Variants in NUP188 observed in about 807,000 individuals in gnomAD.
The protein encoded by NUP188 is nucleoporin NUP188.
A neutral mutation model predicts 223.0 loss-of-function variants in NUP188; 97 were observed. The ratio of observed to expected loss-of-function variants is 0.43; its 90% CI spans 0.37 to 0.51. NUP188 has a LOEUF of 0.51. NUP188 is among the 20% of genes least tolerant of loss of function. The probability of loss-of-function intolerance (pLI) is 0.00; values close to 1 mark genes in which losing one functional copy is unlikely to be tolerated. For missense variants in NUP188, 1,947 were observed against 2,175.6 expected, an observed-to-expected ratio of 0.89 and a Z score of 2.09; for synonymous variants, 869 against 828.0, an observed-to-expected ratio of 1.05 and a Z score of -0.85.
chr9:128,971,115 G>T (rs557121909), intron 11 of NUP188, among the ~76,000 whole-genome samples, 157 bp downstream of exon 11: 5 of 152,130 alleles, frequency 3.3e-5, no homozygotes, highest in African/African-American at 1.2e-4. Context: ...TAATGTTTAT[G>T]AACATTATCT....
At chr9:128,966,834 G>A (rs1462094596) in intron 8 of NUP188, among the ~76,000 whole-genome samples, 1 of 152,068 alleles carries the variant, frequency 6.6e-6, no homozygotes, top group African/African-American at 2.4e-5. Flanking sequence ...ATTAGCAAGG[G>A]ATTGGTAGTA....
In NUP188 at chr9:128,956,363, G is replaced by A. The variant is rs1841871035; in HGVS notation, c.175G>A (p.Glu59Lys). 6.4e-7 allele frequency: 1 copy of A among 1,572,994 alleles called. No homozygotes were observed. The highest frequency in any genetic ancestry group is 1.2e-5 in the South Asian group (1 of 82,862). ...TTCTTTTTGTAGTCCAAGTTCAGCT[G>A]AAAAAGTGAAAGCTAATAAAGATGT... ...YYKPPSPSSA[E>K]KVKANKDVAS... Residue 59 changes from glutamate to lysine, a missense_variant, in exon 4 of 44, where the codon GAA becomes AAA. Glu to Lys is a moderately conservative substitution (Grantham distance 56). Around this residue, in one of 3 missense-constraint regions of NUP188, gnomAD observed 817 missense variants for 865.8 expected, o/e 0.94. Coordinates refer to ENST00000372577, the MANE Select transcript of NUP188 (RefSeq NM_015354.3).
chr9:128,955,130 C>T (rs1454775267), intron 3 of NUP188, among the ~76,000 whole-genome samples: 3 of 152,070 alleles, frequency 2.0e-5, no homozygotes, highest in African/African-American at 7.2e-5. Context: ...GGATTACAGG[C>T]GTGAGCCACC....
chr9:128,992,067 C>T (rs377704671), intron 25 of NUP188, among the ~76,000 whole-genome samples: 3 of 151,560 alleles, frequency 2.0e-5, no homozygotes, highest in South Asian at 2.1e-4. Flanking sequence ...CCACTGCACC[C>T]GGCTAATTTT....
At chr9:128,994,522 C>T (rs1842485572) in intron 28 of NUP188, 80 bp downstream of exon 28, 2 of 898,776 alleles carry the variant, frequency 2.2e-6, no homozygotes, top group Admixed American at 2.0e-5. Context: ...GGGCCGTAGA[C>T]AATGATACCT....
chr9:128,959,793 G>A (rs1335507496), intron 8 of NUP188, among the ~76,000 whole-genome samples: 2 of 152,022 alleles, frequency 1.3e-5, no homozygotes, highest in African/African-American at 4.8e-5. Context: ...ACCTGCTTTG[G>A]CCTCCAAGTG....
At position 129,002,045 on chromosome 9, in the gene NUP188, C is replaced by T. The variant is rs904106104; in HGVS notation, c.4137+69C>T. 18 of 1,239,034 alleles carry T rather than the reference C, an allele frequency of 1.5e-5. No homozygotes were observed. The African/African-American group carries it at 1.9e-4, about 13-fold the overall frequency. 76.8% of individuals were successfully genotyped at this position (1,239,034 alleles called of 1,614,324 possible). A position where few individuals can be genotyped will look rare whatever the true frequency, so the allele number is the denominator to read the frequency against. On this transcript the variant is annotated intron_variant, in intron 36 of 43. Transcript: ENST00000372577. Reference sequence around the variant, plus strand: ...ACAGTTCCAGTTGAAAAGTGTCCTCCCCTACCTTTCCCCGGAAGTTGCTTT... The same window carrying T: ...ACAGTTCCAGTTGAAAAGTGTCCTCTCCTACCTTTCCCCGGAAGTTGCTTT...
At chr9:128,955,643 C>CT (rs1455200357) in intron 3 of NUP188, among the ~76,000 whole-genome samples, 2 of 151,098 alleles carry the variant, frequency 1.3e-5, no homozygotes, top group African/African-American at 4.9e-5. Context: ...TTTTTCTTTT[C>CT]TTTTTTTTCT....
At chr9:128,993,808 C>G in intron 27 of NUP188, 114 bp downstream of exon 27, 2 of 908,738 alleles carry the variant, frequency 2.2e-6, no homozygotes, top group Non-Finnish European at 3.4e-6. Context: ...AGTGCTTAGT[C>G]CTGGTTCAAT....
intron 8 of NUP188, among the ~76,000 whole-genome samples, chr9:128,964,099 C>T (rs1422956540): frequency 6.6e-6 from 1 of 152,092 alleles, no homozygotes; most frequent in Admixed American, 6.6e-5. Flanking sequence ...CTGGTGTGAG[C>T]CACCACACCT....
chr9:128,955,231 C>T (rs1841852556), intron 3 of NUP188, among the ~76,000 whole-genome samples: 1 of 152,182 alleles, frequency 6.6e-6, no homozygotes, highest in South Asian at 2.1e-4. Flanking sequence ...CTTGGTCACT[C>T]AGTTAAGGAG....
chr9:128,993,734 A>G (rs765744554), intron 27 of NUP188, 40 bp downstream of exon 27: 22 of 1,578,584 alleles, frequency 1.4e-5, no homozygotes, highest in Non-Finnish European at 1.8e-5. Flanking sequence ...GTTCTGGTCT[A>G]TAAAATGGGA....
intron 25 of NUP188, among the ~76,000 whole-genome samples, chr9:128,991,412 A>G (rs925965761): frequency 6.6e-6 from 1 of 151,968 alleles, no homozygotes; most frequent in Non-Finnish European, 1.5e-5. Flanking sequence ...AGGTGCCTGT[A>G]ATCCCAGCTA....
In NUP188 at chr9:128,984,917, C is replaced by T. The variant is rs373328580; in HGVS notation, c.1979C>T (p.Ala660Val). Residue 660 changes from alanine to valine, a missense_variant, in exon 20 of 44, where the codon GCT (alanine) becomes GTT (valine). Ala to Val is a moderately conservative substitution (Grantham distance 64). Coordinates refer to ENST00000372577, the MANE Select transcript of NUP188 (RefSeq NM_015354.3). ...TTTTCCAGTGCGGAAGGGATGAATG[C>T]TGGAGGGTACGGAAACCTCTTGATG... ...SQMISAEGMN[A>V]GGYGNLLMNS... The T allele has an allele frequency of 3.9e-5, 63 of 1,612,184 alleles. No homozygotes were observed. The highest frequency in any genetic ancestry group is 4.4e-5 in the Non-Finnish European group (52 of 1,179,090).
At chr9:128,993,756 T>C (rs956348642) in intron 27 of NUP188, 62 bp downstream of exon 27, 1 of 1,465,424 alleles carries the variant, frequency 6.8e-7, no homozygotes, top group African/African-American at 1.4e-5. Flanking sequence ...TAATAATAGC[T>C]CTTATCCCAG....
Position 128,951,921 on chromosome 9 carries a change from T to G in NUP188, c.88-852T>G, listed in dbSNP as rs560242728. On this transcript the variant is annotated intron_variant, in intron 2 of 43. Transcript: ENST00000372577. Reference sequence around the variant, plus strand: ...GATTCTCCTGCCTCAGCCTCCCGAGTAGCTGGGATTACAGGCATACACCAC... The same window carrying G: ...GATTCTCCTGCCTCAGCCTCCCGAGGAGCTGGGATTACAGGCATACACCAC... Among the ~76,000 whole-genome samples the G allele has an allele frequency of 3.3e-5, 5 of 151,892 alleles. No individual in the cohort carries two copies. The East Asian group carries it at 7.8e-4, about 24-fold the overall frequency.
In NUP188 at chr9:129,005,482, A is replaced by T; in HGVS notation, c.4689A>T (p.Ala1563=). The part of the protein sequence containing the change: ...GLLKILSKTL[A]ALRHFTPDVC... ...TCAAGATCCTCAGCAAGACGCTGGC[A>T]GCCCTGCGCCACTTCACCCCAGATG... Residue 1563 remains alanine, a synonymous_variant, in exon 40 of 44, where the codon GCA becomes GCT. Transcript: ENST00000372577. 6.2e-7 allele frequency: 1 copy of T among 1,606,090 alleles called. No homozygotes were observed.
Position 128,993,330 on chromosome 9 carries a change from C to G in NUP188, c.2774C>G (p.Ala925Gly), listed in dbSNP as rs1842462729. ...KVMILEFLTVAVETQPGLIEL... is the reference protein window; with the variant it reads ...KVMILEFLTVGVETQPGLIEL... ...ATGATTCTAGAGTTCCTCACTGTTG[C>G]AGTAGAGACCCAGCCAGGCCTCATC... Residue 925 changes from alanine to glycine, a missense_variant, in exon 26 of 44, where the codon GCA becomes GGA. Physicochemically the swap from Ala to Gly is moderately conservative, Grantham distance 60 (BLOSUM62 0). This residue lies in a region of NUP188 where 225 missense variants were observed against 319.1 expected (regional missense o/e 0.71). Coordinates refer to ENST00000372577, the MANE Select transcript of NUP188 (RefSeq NM_015354.3). The G allele has an allele frequency of 3.1e-6, 5 of 1,614,158 alleles. No homozygotes were observed. The highest frequency in any genetic ancestry group is 4.2e-6 in the Non-Finnish European group (5 of 1,180,014).
intron 13 of NUP188, 81 bp from the exon 14 acceptor site, chr9:128,980,525 T>C (rs1842239548): frequency 3.4e-6 from 5 of 1,450,618 alleles, no homozygotes; most frequent in Non-Finnish European, 4.7e-6. Context: ...TTCTAAATTT[T>C]CTCATGATTG....
Sources: gnomAD v4.1 joint callset for allele counts (sites outside exome capture counted in the v4.1 genomes callset) on GRCh38, gnomAD v4.1.1 for gene constraint, gnomAD v4.1.1 regional missense constraint, MANE v1.5 for transcripts, NCBI Gene and HGNC (gene_info 2026-07-23, HGNC 2026-07-21) for gene names.